The following SLC44A5 variants were observed in gnomAD, a reference collection of about 807,000 sequenced individuals.
The protein encoded by SLC44A5 is choline transporter-like protein 5.
Under a neutral mutation model 101.8 loss-of-function variants are expected in SLC44A5, and 57 were observed. The observed-to-expected ratio is 0.56, with a 90% CI of 0.45 to 0.70. The LOEUF (loss-of-function observed/expected upper bound fraction) is 0.70, where lower values mean the gene tolerates loss of function less well. SLC44A5 is among the 30% of genes least tolerant of loss of function. The probability of loss-of-function intolerance (pLI) is 0.00; values close to 1 mark genes in which losing one functional copy is unlikely to be tolerated. For synonymous variants in SLC44A5, 281 were observed against 290.9 expected, an observed-to-expected ratio of 0.97 and a Z score of 0.35; for missense variants, 737 against 853.1, an observed-to-expected ratio of 0.86 and a Z score of 1.70.
At chr1:75,553,613 A>G (rs1672058686) in intron 1 of SLC44A5, among the ~76,000 whole-genome samples, 1 of 152,204 alleles carries the variant, frequency 6.6e-6, no homozygotes, top group South Asian at 2.1e-4. Flanking sequence ...GAGGAAAGAA[A>G]GGTATGTCAA....
intron 5 of SLC44A5, among the ~76,000 whole-genome samples, chr1:75,287,426 C>CTTTTTGTTTTTT (rs1653149940): frequency 1.4e-5 from 1 of 69,910 alleles, no homozygotes; most frequent in Non-Finnish European, 2.5e-5. Context: ...CTTCTGAATT[C>CTTTTTGTTTTTT]TTTTTTTTTT....
chr1:75,608,515 T>G (rs1408411233), intron 1 of SLC44A5, among the ~76,000 whole-genome samples: 1 of 152,030 alleles, frequency 6.6e-6, no homozygotes, highest in African/African-American at 2.4e-5. Context: ...AAAATGTAAG[T>G]CAGATCATAT....
intron 1 of SLC44A5, among the ~76,000 whole-genome samples, chr1:75,572,737 T>C (rs991593321): frequency 3.9e-5 from 6 of 152,012 alleles, no homozygotes; most frequent in African/African-American, 1.5e-4. Flanking sequence ...AGTTAATCTG[T>C]AGGAAAACAG....
At chr1:75,446,104 C>T (rs1297431917) in intron 2 of SLC44A5, among the ~76,000 whole-genome samples, 2 of 152,126 alleles carry the variant, frequency 1.3e-5, no homozygotes, top group Non-Finnish European at 2.9e-5. Context: ...TTTCTCTGAC[C>T]CCCCATTAGT....
At chr1:75,670,173 C>A in the SLC44A5 span, among the ~76,000 whole-genome samples, 2 of 151,982 alleles carry the variant, frequency 1.3e-5, no homozygotes, top group Non-Finnish European at 2.9e-5. Context: ...ATATTTCTAA[C>A]CTTTTGAACC....
At chr1:75,642,722 C>T in the SLC44A5 span, among the ~76,000 whole-genome samples, 1 of 151,844 alleles carries the variant, frequency 6.6e-6, no homozygotes, top group South Asian at 2.1e-4. Context: ...GAGGAGCTTA[C>T]TATAAATTAA....
chr1:75,276,025 T>TA (rs968895273), intron 5 of SLC44A5, among the ~76,000 whole-genome samples: 3 of 152,260 alleles, frequency 2.0e-5, no homozygotes, highest in African/African-American at 4.8e-5. Flanking sequence ...CTTGGGAAGA[T>TA]AAAAAAATCA....
chr1:75,281,788 T>G (rs1040750466), intron 5 of SLC44A5, among the ~76,000 whole-genome samples: 2 of 152,068 alleles, frequency 1.3e-5, no homozygotes, highest in Non-Finnish European at 2.9e-5. Context: ...ATGGTGTTGG[T>G]CCTGTGGGTG....
chr1:75,287,934 A>G (rs1268755157), intron 5 of SLC44A5, among the ~76,000 whole-genome samples: 1 of 152,044 alleles, frequency 6.6e-6, no homozygotes, highest in Non-Finnish European at 1.5e-5. Context: ...TCCAGCCAGG[A>G]GGTGATGCTT....
At chr1:75,545,824 C>CTTT (rs57147182) in intron 1 of SLC44A5, among the ~76,000 whole-genome samples, 8 of 136,144 alleles carry the variant, frequency 5.9e-5, no homozygotes, top group Non-Finnish European at 1.3e-4. Flanking sequence ...TTTTTCTTTT[C>CTTT]TTTTTTTTTT....
intron 2 of SLC44A5, among the ~76,000 whole-genome samples, chr1:75,540,942 C>A (rs1361125220): frequency 6.6e-6 from 1 of 152,126 alleles, no homozygotes; most frequent in African/African-American, 2.4e-5. Flanking sequence ...CCTCACACTC[C>A]CTCTCCAAAG....
chr1:75,292,427 C>G (rs1003751093), intron 5 of SLC44A5, among the ~76,000 whole-genome samples: 12 of 152,112 alleles, frequency 7.9e-5, no homozygotes, highest in African/African-American at 2.9e-4. Flanking sequence ...TGAGGTTTTT[C>G]TGGCCAAAGA....
At chr1:75,295,771 T>C (rs1653914052) in intron 5 of SLC44A5, among the ~76,000 whole-genome samples, 1 of 152,158 alleles carries the variant, frequency 6.6e-6, no homozygotes, top group Admixed American at 6.5e-5. Flanking sequence ...ACAACCAAAA[T>C]GTCAGATCTC....
intron 3 of SLC44A5, among the ~76,000 whole-genome samples, chr1:75,343,415 C>A (rs923009514): frequency 2.0e-5 from 3 of 152,046 alleles, no homozygotes; most frequent in African/African-American, 7.3e-5. Context: ...CACATGGCTC[C>A]ATTGAAAGCA....
At chr1:75,362,236 A>G (rs1264205186) in intron 3 of SLC44A5, among the ~76,000 whole-genome samples, 2 of 151,630 alleles carry the variant, frequency 1.3e-5, no homozygotes, top group Non-Finnish European at 3.0e-5. Flanking sequence ...GTTTTTTTAA[A>G]AAAATGTTCG....
intron 4 of SLC44A5, among the ~76,000 whole-genome samples, chr1:75,332,138 C>G (rs1158739672): frequency 1.3e-5 from 2 of 152,090 alleles, no homozygotes; most frequent in East Asian, 1.9e-4. Context: ...ATAAAAGATG[C>G]TCTATGAAAA....
intron 5 of SLC44A5, among the ~76,000 whole-genome samples, chr1:75,297,701 T>G (rs1654074486): frequency 6.6e-6 from 1 of 152,182 alleles, no homozygotes; most frequent in Admixed American, 6.5e-5. Flanking sequence ...TTTTTTCTAA[T>G]TAGTACAATA....
chr1:75,658,407 A>G, the SLC44A5 span, among the ~76,000 whole-genome samples: 1 of 152,098 alleles, frequency 6.6e-6, no homozygotes, highest in Non-Finnish European at 1.5e-5. Flanking sequence ...TTCAAAAAAA[A>G]TCAACATTAT....
intron 1 of SLC44A5, among the ~76,000 whole-genome samples, chr1:75,568,484 GGAAAC>G (rs1672903192): frequency 6.6e-6 from 1 of 152,144 alleles, no homozygotes; most frequent in Non-Finnish European, 1.5e-5. Flanking sequence ...CCCAGATACA[GGAAAC>G]AGGCCTTTTT....
Sources: allele counts gnomAD v4.1 joint callset (sites outside exome capture counted in the v4.1 genomes callset), GRCh38; gene constraint gnomAD v4.1.1; transcripts MANE v1.5; gene names NCBI Gene and HGNC (gene_info 2026-07-23, HGNC 2026-07-21).